ANK2: variants seen among roughly 807,000 people sequenced by gnomAD.
ANK2 encodes ankyrin-2.
A neutral mutation model predicts 360.5 loss-of-function variants in ANK2; 83 were observed. The ratio of observed to expected loss-of-function variants is 0.23; its 90% confidence interval spans 0.19 to 0.28. The LOEUF (loss-of-function observed/expected upper bound fraction) is 0.28. Ranked by LOEUF, ANK2 falls within the 10% of genes least tolerant of loss-of-function variation. The probability of loss-of-function intolerance (pLI) is 1.00; values close to 1 mark genes in which losing one functional copy is unlikely to be tolerated. For synonymous variants in ANK2, 1,740 were observed against 1,759.5 expected, an observed-to-expected ratio of 0.99 and a Z score of 0.28; for missense variants, 4,201 against 4,795.7, an observed-to-expected ratio of 0.88 and a Z score of 3.66.
At position 113,302,619 on chromosome 4, in the gene ANK2, A is replaced by G. The variant is rs190426733; in HGVS notation, c.2476-148A>G. The G allele has an allele frequency of 2.1e-4, 138 of 662,772 alleles. No homozygotes were observed. In the African/African-American group the frequency reaches 2.2e-3, roughly 11 times the overall value. The allele number at this position is 662,772 out of a possible 1,614,324, so 41.1% of individuals were successfully genotyped here. A position where few individuals can be genotyped will look rare whatever the true frequency, so the allele number is the denominator to read the frequency against. ...GAACAAATGAGTTTTCATGAAAGCA[A>G]ATTTCCAAAATATACACGCGGGAAA... On this transcript the variant is annotated intron_variant, in intron 22 of 45. Transcript: ENST00000357077.
chr4:113,053,327 A>G (rs1337715202), intron 1 of ANK2, among the ~76,000 whole-genome samples: 1 of 152,210 alleles, frequency 6.6e-6, no homozygotes, highest in Non-Finnish European at 1.5e-5. Context: ...AATTGTAGGT[A>G]GTAATGTTGT....
the ANK2 span, among the ~76,000 whole-genome samples, chr4:112,805,156 C>T: frequency 6.6e-6 from 1 of 152,256 alleles, no homozygotes; most frequent in South Asian, 2.1e-4. Flanking sequence ...GAAAGGAGGG[C>T]TGGGCTGAGT....
the ANK2 span, among the ~76,000 whole-genome samples, chr4:112,710,843 G>A: frequency 6.7e-6 from 1 of 150,326 alleles, no homozygotes; most frequent in Non-Finnish European, 1.5e-5. Flanking sequence ...ATTTGTGCTG[G>A]TCCTGAGAAA....
At chr4:113,255,319 T>G (rs182031269) in intron 10 of ANK2, among the ~76,000 whole-genome samples, 117 of 152,358 alleles carry the variant, frequency 7.7e-4, no homozygotes, top group African/African-American at 2.6e-3. Context: ...CACTTGCTTC[T>G]CATTCACCCA....
intron 2 of ANK2, among the ~76,000 whole-genome samples, chr4:112,955,022 A>G (rs1437834233): frequency 6.6e-6 from 1 of 152,202 alleles, no homozygotes; most frequent in Non-Finnish European, 1.5e-5. Context: ...TAGAGTAACT[A>G]TGCCCACATT....
At chr4:112,947,195 A>G (rs1010232025) in intron 2 of ANK2, among the ~76,000 whole-genome samples, 3 of 152,182 alleles carry the variant, frequency 2.0e-5, no homozygotes, top group Non-Finnish European at 4.4e-5. Flanking sequence ...CCTTCAATGA[A>G]TAGCTGATTT....
chr4:113,349,418 T>C (rs1356925403), intron 36 of ANK2, among the ~76,000 whole-genome samples: 1 of 152,150 alleles, frequency 6.6e-6, no homozygotes, highest in Non-Finnish European at 1.5e-5. Flanking sequence ...ATAAATACCC[T>C]TATACCCACC....
intron 23 of ANK2, among the ~76,000 whole-genome samples, chr4:113,304,130 T>C (rs908530871): frequency 2.6e-5 from 4 of 152,226 alleles, no homozygotes; most frequent in Non-Finnish European, 4.4e-5. Flanking sequence ...TGTTCTATCT[T>C]AATACTTGCC....
chr4:113,145,541 GC>G (rs2096796087), intron 1 of ANK2: 1 of 971,696 alleles, frequency 1.0e-6, no homozygotes, highest in Non-Finnish European at 1.2e-6. Flanking sequence ...AAACAACACC[GC>G]CCCCTCCCCT....
chr4:113,172,704 A>G (rs572062091), intron 1 of ANK2, among the ~76,000 whole-genome samples: 1 of 152,314 alleles, frequency 6.6e-6, no homozygotes, highest in African/African-American at 2.4e-5. Flanking sequence ...AAAACTTTAT[A>G]TACAGGAATA....
At position 113,049,751 on chromosome 4, in the gene ANK2, A is replaced by G; in HGVS notation, c.23A>G (p.Gln8Arg). Reference sequence around the variant, plus strand: ...AAAATGATGAACGAAGATGCAGCTCAGAAAAGCGACAGTGGAGAGAAGTTC... The same window carrying G: ...AAAATGATGAACGAAGATGCAGCTCGGAAAAGCGACAGTGGAGAGAAGTTC... MMNEDAA[Q>R]KSDSGEKFNG... The change falls in exon 1 of 46, where the codon CAG (glutamine) becomes CGG (arginine). Residue 8 changes from glutamine (Q) to arginine (R), a missense_variant. Transcript: ENST00000357077. 6.2e-7 allele frequency: 1 copy of G among 1,613,040 alleles called. No homozygotes were observed. The highest frequency in any genetic ancestry group is 8.5e-7 in the Non-Finnish European group (1 of 1,179,294).
chr4:112,722,280 A>T, the ANK2 span, among the ~76,000 whole-genome samples: 3 of 152,018 alleles, frequency 2.0e-5, no homozygotes, highest in African/African-American at 7.3e-5. Context: ...TGCCTCACTA[A>T]CTCTCTCTGC....
chr4:113,341,953 T>C, intron 33 of ANK2, 37 bp downstream of exon 33: 1 of 1,454,834 alleles, frequency 6.9e-7, no homozygotes, highest in Non-Finnish European at 9.6e-7. Context: ...ATTTATGCCA[T>C]GTTGTTATAC....
chr4:113,012,021 A>G (rs1269507390), intron 2 of ANK2, among the ~76,000 whole-genome samples: 1 of 152,102 alleles, frequency 6.6e-6, no homozygotes, highest in Non-Finnish European at 1.5e-5. Flanking sequence ...CATCATGTTT[A>G]AAAGCAACAA....
intron 1 of ANK2, among the ~76,000 whole-genome samples, chr4:113,090,848 T>C (rs2087612244): frequency 6.6e-6 from 1 of 152,194 alleles, no homozygotes; most frequent in African/African-American, 2.4e-5. Flanking sequence ...TGGTTACCAT[T>C]ATTTTCACTT....
chr4:112,776,039 A>AGC, the ANK2 span, among the ~76,000 whole-genome samples: 1 of 152,124 alleles, frequency 6.6e-6, no homozygotes, highest in South Asian at 2.1e-4. Context: ...CGTTCTGAGA[A>AGC]GCGCCAGCCT....
chr4:113,233,197 G>C (rs1319709034), intron 5 of ANK2, among the ~76,000 whole-genome samples: 70 of 129,392 alleles, frequency 5.4e-4, no homozygotes, highest in Non-Finnish European at 9.1e-4. Context: ...TGCAGTGGCG[G>C]GATCTCGGCT....
intron 1 of ANK2, among the ~76,000 whole-genome samples, chr4:112,834,177 A>G (rs887960705): frequency 6.6e-6 from 1 of 152,242 alleles, no homozygotes; most frequent in African/African-American, 2.4e-5. Context: ...ACCCAGTTCA[A>G]TGCATATATC....
chr4:113,293,356 A>G, intron 21 of ANK2, 84 bp from the exon 22 acceptor site: 1 of 1,183,906 alleles, frequency 8.4e-7, no homozygotes. Context: ...ATGCTGGCTG[A>G]TGCAGAGCAG....
Sources: gnomAD v4.1 joint callset for allele counts (sites outside exome capture counted in the v4.1 genomes callset) on GRCh38, gnomAD v4.1.1 for gene constraint, MANE v1.5 for transcripts, NCBI Gene and HGNC (gene_info 2026-07-23, HGNC 2026-07-21) for gene names.